The following SCFD2 variants were observed in gnomAD, a reference collection of about 807,000 sequenced individuals.
The protein encoded by SCFD2 is sec1 family domain-containing protein 2.
SCFD2 carries 54 observed loss-of-function variants against 58.9 expected under a neutral mutation model. The ratio of observed to expected loss-of-function variants is 0.92; its 90% confidence interval spans 0.74 to 1.15. The LOEUF (loss-of-function observed/expected upper bound fraction) is 1.15. Ranked by LOEUF, SCFD2 falls within the 50% of genes most tolerant of loss-of-function variation. SCFD2 has a pLI of 0.00. For missense variants in SCFD2, 805 were observed against 836.6 expected (o/e 0.96, Z 0.47); for synonymous variants, 321 against 335.9 (o/e 0.96, Z 0.49).
At chr4:53,272,822 T>C (rs1297189722) in intron 4 of SCFD2, among the ~76,000 whole-genome samples, 1 of 152,142 alleles carries the variant, frequency 6.6e-6, no homozygotes, top group African/African-American at 2.4e-5. Context: ...ACCTGCACGT[T>C]GTGCACATGT....
At chr4:52,932,924 G>A (rs1273170178) in intron 5 of SCFD2, among the ~76,000 whole-genome samples, 2 of 152,166 alleles carry the variant, frequency 1.3e-5, no homozygotes, top group Non-Finnish European at 2.9e-5. Flanking sequence ...ATGAATTAGT[G>A]TGTAGGTTAG....
intron 7 of SCFD2, among the ~76,000 whole-genome samples, chr4:52,895,257 G>T (rs1353551849): frequency 1.3e-5 from 2 of 152,012 alleles, no homozygotes; most frequent in Non-Finnish European, 1.5e-5. Flanking sequence ...TGCCATGTGG[G>T]TGTGCTGCAC....
At chr4:53,355,350 A>C (rs1734371001) in intron 1 of SCFD2, among the ~76,000 whole-genome samples, 1 of 152,114 alleles carries the variant, frequency 6.6e-6, no homozygotes, top group Non-Finnish European at 1.5e-5. Context: ...TTCTCTAGCT[A>C]TTCTAGAAGA....
intron 5 of SCFD2, among the ~76,000 whole-genome samples, chr4:52,960,744 C>A (rs910593762): frequency 1.3e-5 from 2 of 151,692 alleles, no homozygotes; most frequent in African/African-American, 2.4e-5. Context: ...CACACACACA[C>A]CACACATGTG....
intron 5 of SCFD2, among the ~76,000 whole-genome samples, chr4:53,138,755 A>T (rs1435331924): frequency 1.3e-5 from 2 of 152,358 alleles, no homozygotes; most frequent in Non-Finnish European, 2.9e-5. Flanking sequence ...TCATTTTGTC[A>T]GAGATTTGTA....
At chr4:53,342,142 A>T (rs1733897558) in intron 2 of SCFD2, among the ~76,000 whole-genome samples, 1 of 152,226 alleles carries the variant, frequency 6.6e-6, no homozygotes, top group South Asian at 2.1e-4. Context: ...TAAATGCTCC[A>T]ATTAAAAGAC....
intron 5 of SCFD2, among the ~76,000 whole-genome samples, chr4:53,036,450 C>T (rs778800829): frequency 7.7e-4 from 116 of 151,408 alleles, no homozygotes; most frequent in Non-Finnish European, 1.3e-3. Context: ...ACGCAAATGT[C>T]CATCAATAGT....
chr4:53,297,643 A>G (rs1299774280), intron 3 of SCFD2, among the ~76,000 whole-genome samples: 2 of 152,146 alleles, frequency 1.3e-5, no homozygotes, highest in East Asian at 3.8e-4. Context: ...TGGGGCATTT[A>G]GCCCATTTAC....
At chr4:53,251,427 C>T (rs1459711007) in intron 4 of SCFD2, among the ~76,000 whole-genome samples, 4 of 151,950 alleles carry the variant, frequency 2.6e-5, no homozygotes, top group African/African-American at 9.7e-5. Flanking sequence ...AGAGACACAA[C>T]AAAAAAAGAG....
intron 4 of SCFD2, among the ~76,000 whole-genome samples, chr4:53,266,713 T>C (rs192632053): frequency 6.6e-6 from 1 of 152,204 alleles, no homozygotes; most frequent in Admixed American, 6.5e-5. Flanking sequence ...CACTTTAAAT[T>C]TGAAGCAAAA....
At chr4:52,880,004 G>A (rs1426555220) in intron 8 of SCFD2, among the ~76,000 whole-genome samples, 4 of 152,100 alleles carry the variant, frequency 2.6e-5, no homozygotes, top group African/African-American at 4.8e-5. Flanking sequence ...ATAGGCACAC[G>A]CACACATACA....
intron 5 of SCFD2, among the ~76,000 whole-genome samples, chr4:52,921,355 G>A (rs1256852241): frequency 6.6e-6 from 1 of 152,162 alleles, no homozygotes; most frequent in Non-Finnish European, 1.5e-5. Context: ...ACATTTCAGA[G>A]GGCTGCCATT....
At chr4:53,030,718 G>A (rs559662581) in intron 5 of SCFD2, among the ~76,000 whole-genome samples, 35 of 152,202 alleles carry the variant, frequency 2.3e-4, no homozygotes, top group African/African-American at 6.5e-4. Context: ...CACCACACCC[G>A]GCCAATCTAG....
intron 4 of SCFD2, among the ~76,000 whole-genome samples, chr4:53,180,570 C>T (rs1236924327): frequency 6.6e-6 from 1 of 151,648 alleles, no homozygotes; most frequent in Non-Finnish European, 1.5e-5. Context: ...AAATTGACAC[C>T]CTAACATCAC....
chr4:53,053,924 G>C (rs1723253337), intron 5 of SCFD2, among the ~76,000 whole-genome samples: 1 of 152,036 alleles, frequency 6.6e-6, no homozygotes, highest in African/African-American at 2.4e-5. Context: ...TTAAATATTT[G>C]TCTAATTCTT....
intron 5 of SCFD2, among the ~76,000 whole-genome samples, chr4:52,973,337 A>T (rs1477188627): frequency 6.6e-6 from 1 of 152,258 alleles, no homozygotes; most frequent in Non-Finnish European, 1.5e-5. Context: ...TAAAGGGGAT[A>T]TCACTACCGA....
At chr4:53,015,716 A>G (rs571238093) in intron 5 of SCFD2, among the ~76,000 whole-genome samples, 1 of 152,294 alleles carries the variant, frequency 6.6e-6, no homozygotes, top group East Asian at 1.9e-4. Context: ...TTATTAAAAT[A>G]TATTCTACCT....
chr4:53,298,332 G>T (rs1284833311), intron 3 of SCFD2, among the ~76,000 whole-genome samples: 2 of 152,186 alleles, frequency 1.3e-5, no homozygotes, highest in African/African-American at 4.8e-5. Context: ...CTATACCCAT[G>T]GAGCCTCGCT....
chr4:53,114,487 C>T (rs759167091), intron 5 of SCFD2, among the ~76,000 whole-genome samples: 9 of 152,058 alleles, frequency 5.9e-5, no homozygotes, highest in Admixed American at 1.3e-4. Context: ...TGTTTTCCTC[C>T]CAGCCTGTAC....
Sources: allele counts gnomAD v4.1 joint callset (sites outside exome capture counted in the v4.1 genomes callset), GRCh38; gene constraint gnomAD v4.1.1; transcripts MANE v1.5; gene names NCBI Gene and HGNC (gene_info 2026-07-23, HGNC 2026-07-21).